Variants in SDC1 observed in about 807,000 individuals in gnomAD.
SDC1 encodes syndecan-1.
SDC1 carries 14 observed loss-of-function variants against 29.7 expected under a neutral mutation model. The observed-to-expected ratio is 0.47, with a 90% CI of 0.31 to 0.74. The LOEUF is 0.74. Among genes scored for constraint, SDC1 ranks in the 30% least tolerant of loss-of-function variants. The pLI is 0.05. For missense variants in SDC1, 406 were observed against 400.3 expected (o/e 1.01, Z -0.12); for synonymous variants, 204 against 175.5 (o/e 1.16, Z -1.29).
intron 3 of SDC1, 25 bp from the exon 4 acceptor site, chr2:20,203,247 G>A (rs773875122): frequency 3.8e-6 from 6 of 1,581,876 alleles, no homozygotes; most frequent in Non-Finnish European, 5.2e-6. Flanking sequence ...GGGCAGATTG[G>A]GTTGGCCAGG....
chr2:20,224,105 C>T lies in SDC1; in HGVS notation c.66+697G>A. Reference sequence around the variant, plus strand: ...CCCTCCGGGGCCAGCTCAACTTCAGCAGCCCAGAAGTTGGGCTCCTCCGGG... The same window carrying T: ...CCCTCCGGGGCCAGCTCAACTTCAGTAGCCCAGAAGTTGGGCTCCTCCGGG... On this transcript the variant is annotated intron_variant, in intron 1 of 4. Coordinates refer to ENST00000254351, the MANE Select transcript of SDC1 (RefSeq NM_002997.5). The surrounding 1 kb of genome is among the most constrained non-coding windows in gnomAD (Gnocchi z 4.9). 2.6e-6 allele frequency: 1 copy of T among 387,238 alleles called. No homozygotes were observed. The highest frequency in any genetic ancestry group is 2.8e-5 in the Admixed American group (1 of 35,882). 24.0% of individuals were successfully genotyped at this position (387,238 alleles called of 1,614,324 possible).
At position 20,202,030 on chromosome 2, in the gene SDC1, G is replaced by A. The variant is rs1361104861; in HGVS notation, c.*736C>T. The A allele has an allele frequency of 1.8e-5, 9 of 508,756 alleles. No individual in the cohort carries two copies. The highest frequency in any genetic ancestry group is 7.8e-5 in the South Asian group (3 of 38,464). 31.5% of individuals were successfully genotyped at this position (508,756 alleles called of 1,614,324 possible). On this transcript the variant is annotated 3_prime_UTR_variant, in exon 5 of 5. Coordinates refer to ENST00000254351, the MANE Select transcript of SDC1 (RefSeq NM_002997.5). ...TCCATACCCTGTTGCACACATGAGC[G>A]ACAAACTCAAGAGACAACACACAAA...
At chr2:20,219,123 C>G (rs368252144) in intron 1 of SDC1, among the ~76,000 whole-genome samples, 109 of 152,182 alleles carry the variant, frequency 7.2e-4, no homozygotes, top group African/African-American at 2.5e-3. Context: ...GACTCAATGG[C>G]CCCAAGACCC....
chr2:20,219,337 A>C (rs1677737311), intron 1 of SDC1, among the ~76,000 whole-genome samples: 1 of 152,118 alleles, frequency 6.6e-6, no homozygotes, highest in Non-Finnish European at 1.5e-5. Context: ...ACCTAAATGA[A>C]AGCTTCCTGA....
In SDC1 at chr2:20,224,031, C is replaced by T. The variant is rs1677909012; in HGVS notation, c.66+771G>A. On this transcript the variant is annotated intron_variant, in intron 1 of 4. Coordinates refer to ENST00000254351, the MANE Select transcript of SDC1 (RefSeq NM_002997.5). This position sits in a 1 kb window ranked among gnomAD's most constrained non-coding sequence, Gnocchi z 4.9. ...GAGCGGGAGGCCATTCCCGGGTCCC[C>T]TCGCGTGGAAGGCGCCTGCGCCTCG... is the stretch of plus-strand genomic sequence containing the variant. 6.6e-6 allele frequency among the ~76,000 whole-genome samples: 1 copy of T among 152,204 alleles called. No homozygotes were observed. Among genetic ancestry groups the T allele is most frequent in the Non-Finnish European group, 1.5e-5 (1 of 68,032 alleles).
At chr2:20,211,636 G>C (rs1677468356) in intron 1 of SDC1, among the ~76,000 whole-genome samples, 1 of 152,240 alleles carries the variant, frequency 6.6e-6, no homozygotes, top group Non-Finnish European at 1.5e-5. Context: ...GCTGGACCCA[G>C]CAGGGCTGAG....
intron 1 of SDC1, among the ~76,000 whole-genome samples, chr2:20,220,986 G>A (rs370544510): frequency 3.1e-4 from 47 of 152,304 alleles, no homozygotes; most frequent in African/African-American, 9.9e-4. Context: ...AAACCAGGTC[G>A]AGGAACTTGG....
Position 20,210,166 on chromosome 2 carries a change from AC to A in SDC1, c.67-4743del, listed in dbSNP as rs1446124711. Among the ~76,000 whole-genome samples the A allele has an allele frequency of 4.6e-5, 7 of 152,314 alleles. No homozygotes were observed. In the East Asian group the frequency reaches 9.7e-4, roughly 21 times the overall value. ...AAACCAGCCTGGCCAACATGGTGAA[AC>A]CCCGTCTCTACTAAAAATACAAAAT... is the stretch of plus-strand genomic sequence containing the variant. On this transcript the variant is annotated intron_variant, in intron 1 of 4. Coordinates refer to ENST00000254351, the MANE Select transcript of SDC1 (RefSeq NM_002997.5).
chr2:20,215,611 AG>A (rs1167099983), intron 1 of SDC1, among the ~76,000 whole-genome samples: 3 of 152,194 alleles, frequency 2.0e-5, no homozygotes, highest in African/African-American at 7.2e-5. Flanking sequence ...TCTGTGCTCT[AG>A]GCAAGGAAGG....
chr2:20,214,612 A>T (rs1026294502), intron 1 of SDC1, among the ~76,000 whole-genome samples: 1 of 152,190 alleles, frequency 6.6e-6, no homozygotes, highest in Admixed American at 6.5e-5. Context: ...GTGGGTGTTG[A>T]GATGGCTGAA....
Position 20,219,933 on chromosome 2 carries a change from C to T in SDC1, c.66+4869G>A, listed in dbSNP as rs113277037. 2.8e-4 allele frequency among the ~76,000 whole-genome samples: 43 copies of T among 152,330 alleles called. 1 individual carries two copies. Among genetic ancestry groups the T allele is most frequent in the African/African-American group, 9.4e-4 (39 of 41,582 alleles). Reference sequence around the variant, plus strand: ...CCACCCGCGCCATGCTGCCCGCCTCCCAGGCTTACAAAAGAATCTGCTAAT... The same window carrying T: ...CCACCCGCGCCATGCTGCCCGCCTCTCAGGCTTACAAAAGAATCTGCTAAT... On this transcript the variant is annotated intron_variant, in intron 1 of 4. Coordinates refer to ENST00000254351, the MANE Select transcript of SDC1 (RefSeq NM_002997.5).
chr2:20,211,053 C>T (rs1480683986), intron 1 of SDC1, among the ~76,000 whole-genome samples: 3 of 152,148 alleles, frequency 2.0e-5, no homozygotes, highest in African/African-American at 7.2e-5. Flanking sequence ...GCTGCAGAGC[C>T]CCAGCCTTTA....
chr2:20,225,067 C>T lies in SDC1; in HGVS notation c.-200G>A, dbSNP rs1487139956. 9.1e-6 allele frequency: 5 copies of T among 551,066 alleles called. No homozygotes were observed. Among genetic ancestry groups the T allele is most frequent in the African/African-American group, 2.0e-5 (1 of 50,122 alleles). The allele number at this position is 551,066 out of a possible 1,614,324, so 34.1% of individuals were successfully genotyped here. On this transcript the variant is annotated 5_prime_UTR_variant, in exon 1 of 5. In the 5' UTR this introduces an upstream ATG that the reference lacks. Coordinates refer to ENST00000254351, the MANE Select transcript of SDC1 (RefSeq NM_002997.5). ...CCGCTCGGCTCGGATTCGGCCCGCA[C>T]CTCTCCCGCCGAGCTCCGCCTTATA...
chr2:20,202,567 A>G lies in SDC1; in HGVS notation c.*199T>C. On this transcript the variant is annotated 3_prime_UTR_variant, in exon 5 of 5. Coordinates refer to ENST00000254351, the MANE Select transcript of SDC1 (RefSeq NM_002997.5). ...CTATGCGAGAAACCCCTGGTGCCCT[A>G]AGTCTCCAGGCAGAAGTCAGAGAAG... 1.6e-6 allele frequency: 1 copy of G among 626,226 alleles called. No homozygotes were observed. The highest frequency in any genetic ancestry group is 2.8e-6 in the Non-Finnish European group (1 of 354,824). 38.8% of individuals were successfully genotyped at this position (626,226 alleles called of 1,614,324 possible).
chr2:20,208,666 C>G (rs888479524), intron 1 of SDC1, among the ~76,000 whole-genome samples: 1 of 152,196 alleles, frequency 6.6e-6, no homozygotes, highest in African/African-American at 2.4e-5. Context: ...CAGCAAACTC[C>G]CTCTAGGCCT....
At chr2:20,214,065 C>T (rs1419775200) in intron 1 of SDC1, among the ~76,000 whole-genome samples, 1 of 152,174 alleles carries the variant, frequency 6.6e-6, no homozygotes, top group Non-Finnish European at 1.5e-5. Flanking sequence ...GGAACTAGGC[C>T]ACTGCGGGTA....
At position 20,224,832 on chromosome 2, in the gene SDC1, C is replaced by T. The variant is rs1677940219; in HGVS notation, c.36G>A (p.Ala12=). Residue 12 remains alanine, a synonymous_variant, in exon 1 of 5, where the codon GCG becomes GCA. Transcript: ENST00000254351. The surrounding 1 kb of genome is among the most constrained non-coding windows in gnomAD (Gnocchi z 4.9). ...GGGCCGGCTGCAGGCTCAGCGCCAGCGCGCACAGCCAGAGCCAGAGCGCCG... is the reference window on the plus strand; with the variant it reads ...GGGCCGGCTGCAGGCTCAGCGCCAGTGCGCACAGCCAGAGCCAGAGCGCCG... ...RRAALWLWLC[A]LALSLQPALP... 14 of 1,286,970 alleles carry T rather than the reference C, an allele frequency of 1.1e-5. No homozygotes were observed. The highest frequency in any genetic ancestry group is 2.5e-5 in the South Asian group (1 of 40,756). The allele number at this position is 1,286,970 out of a possible 1,614,324, so 79.7% of individuals were successfully genotyped here.
At chr2:20,218,645 AC>A (rs1677712089) in intron 1 of SDC1, among the ~76,000 whole-genome samples, 3 of 151,574 alleles carry the variant, frequency 2.0e-5, no homozygotes, top group African/African-American at 7.3e-5. Flanking sequence ...ACACAGACAC[AC>A]ACACACACAG....
intron 1 of SDC1, 84 bp from the exon 2 acceptor site, chr2:20,205,508 G>T: frequency 9.2e-7 from 1 of 1,082,484 alleles, no homozygotes; most frequent in Non-Finnish European, 1.4e-6. Flanking sequence ...CAGCTGAGTG[G>T]ACTCACCCTA....
Sources: allele counts gnomAD v4.1 joint callset (sites outside exome capture counted in the v4.1 genomes callset), GRCh38; gene constraint gnomAD v4.1.1; non-coding constraint Gnocchi (gnomAD v3.1); transcripts MANE v1.5; gene names NCBI Gene and HGNC (gene_info 2026-07-23, HGNC 2026-07-21).